Variants in COL16A1 observed in about 807,000 individuals in gnomAD.
The protein encoded by COL16A1 is collagen type XVI alpha 1 chain.
Under a neutral mutation model 266.3 loss-of-function variants are expected in COL16A1, and 189 were observed. The observed-to-expected ratio is 0.71, with a 90% CI of 0.63 to 0.80. The LOEUF is 0.80. Ranked by LOEUF, COL16A1 falls within the 30% of genes least tolerant of loss-of-function variation. COL16A1 has a pLI of 0.00. For missense variants in COL16A1, 1,928 were observed against 2,122.4 expected, an observed-to-expected ratio of 0.91 and a Z score of 1.80; for synonymous variants, 740 against 782.3, an observed-to-expected ratio of 0.95 and a Z score of 0.90.
At chr1:31,661,174 C>T in intron 60 of COL16A1, 55 bp from the exon 61 acceptor site, 2 of 1,541,590 alleles carry the variant, frequency 1.3e-6, no homozygotes, top group East Asian at 4.9e-5. Flanking sequence ...ACATCCCTAC[C>T]CCAAGTCAAC....
rs751584534 is a variant in COL16A1 at position 31,686,298 on chromosome 1, AC to A, written c.1804-20del. On this transcript the variant is annotated intron_variant, in intron 26 of 70. Transcript: ENST00000373672. ...AGTTACCCTGAGAGAAAGCACAGAA[AC>A]CATGATTAAAGAGGGGATGGAGTCT... 2.9e-4 allele frequency: 473 copies of A among 1,614,192 alleles called. No homozygotes were observed. Among genetic ancestry groups the A allele is most frequent in the Non-Finnish European group, 3.7e-4 (431 of 1,180,044 alleles).
intron 20 of COL16A1, 55 bp from the exon 21 acceptor site, chr1:31,690,628 G>A: frequency 1.3e-6 from 2 of 1,596,256 alleles, no homozygotes; most frequent in African/African-American, 2.7e-5. Flanking sequence ...CAATCTCGGT[G>A]CGTTCCCCCT....
At chr1:31,699,984 A>G in intron 3 of COL16A1, 54 bp from the exon 4 acceptor site, 1 of 1,607,590 alleles carries the variant, frequency 6.2e-7, no homozygotes, top group Middle Eastern at 1.7e-4. Flanking sequence ...AGAGGGGTAC[A>G]GATCACTCCC....
chr1:31,700,949 C>T (rs186447775), intron 2 of COL16A1, among the ~76,000 whole-genome samples: 7 of 152,320 alleles, frequency 4.6e-5, no homozygotes, highest in Admixed American at 4.6e-4. Context: ...GGGCCTCCCT[C>T]GCCCTGGGGC....
chr1:31,685,622 C>T lies in COL16A1; in HGVS notation c.2016+17G>A, dbSNP rs892717291. On this transcript the variant is annotated intron_variant, in intron 29 of 70. Coordinates refer to ENST00000373672, the MANE Select transcript of COL16A1 (RefSeq NM_001856.4). This position sits in a 1 kb window ranked among gnomAD's most constrained non-coding sequence, Gnocchi z 4.0. ...TGCATCCCCCGTCCAGAGGCCCCTG[C>T]CTATATCCCACCTCACCTGTTTTCC... 1 of 1,613,080 alleles carries T rather than the reference C, an allele frequency of 6.2e-7. No homozygotes were observed. The highest frequency in any genetic ancestry group is 1.3e-5 in the African/African-American group (1 of 75,010).
intron 11 of COL16A1, 34 bp downstream of exon 11, chr1:31,695,151 GC>G (rs1418388752): frequency 6.2e-7 from 1 of 1,611,738 alleles, no homozygotes; most frequent in Non-Finnish European, 8.5e-7. Flanking sequence ...CCCGGCTCTT[GC>G]CCGCTCCACC....
chr1:31,689,774 G>A lies in COL16A1; in HGVS notation c.1587C>T (p.Pro529=), dbSNP rs760724181. Residue 529 remains proline (P), a synonymous_variant, in exon 23 of 71, where the codon CCC becomes CCT. Transcript: ENST00000373672. ...GTACAGGATCACCAGGCTCCCCTTT[G>A]GGCCCTGGCTTTCCAGGAAGTCCAA... is the stretch of plus-strand genomic sequence containing the variant. The part of the protein sequence containing the change: ...NFVGLPGKPG[P]KGEPGDPVPA... 3.1e-6 allele frequency: 5 copies of A among 1,613,976 alleles called. No homozygotes were observed. Among genetic ancestry groups the A allele is most frequent in the Non-Finnish European group, 4.2e-6 (5 of 1,179,994 alleles).
chr1:31,682,984 CT>C lies in COL16A1; in HGVS notation c.2487del (p.Gly830GlufsTer211). ...EKGAQGSPGV[K>X]GATGPVGPPG... ...GGAGGTCCCACAGGTCCGGTGGCTCCTTTCACCCCTGGAGATCCCTGTGTAA... is the reference window on the plus strand; with the variant it reads ...GGAGGTCCCACAGGTCCGGTGGCTCCTTCACCCCTGGAGATCCCTGTGTAA... On this transcript the variant is annotated frameshift_variant, in exon 37 of 71. Transcript: ENST00000373672. LOFTEE classifies it high-confidence loss of function. The C allele has an allele frequency of 6.2e-7, 1 of 1,614,062 alleles. No individual in the cohort carries two copies. Among genetic ancestry groups the C allele is most frequent in the Non-Finnish European group, 8.5e-7 (1 of 1,180,018 alleles).
rs1447388635 is a variant in COL16A1 at position 31,697,948 on chromosome 1, A to G, written c.615T>C (p.His205=). The G allele has an allele frequency of 6.8e-6, 11 of 1,613,026 alleles. No homozygotes were observed. Among genetic ancestry groups the G allele is most frequent in the Non-Finnish European group, 9.3e-6 (11 of 1,179,968 alleles). Residue 205 remains histidine (H), a synonymous_variant, in exon 6 of 71, where the codon CAT becomes CAC. Transcript: ENST00000373672. The surrounding 1 kb of genome is among the most constrained non-coding windows in gnomAD (Gnocchi z 4.2). ...GCTCAGCATCCAAGCCTAGAAATAC[A>G]TGGCCCACAGGCCTCATGGGTCGTC... ...GPRRPMRPVG[H]VFLGLDAEQG...
intron 47 of COL16A1, 97 bp downstream of exon 47, chr1:31,672,319 G>A: frequency 7.2e-7 from 1 of 1,382,696 alleles, no homozygotes; most frequent in Non-Finnish European, 1.0e-6. Flanking sequence ...AGTGGTAAAG[G>A]GCATCAGTCA....
intron 26 of COL16A1, 182 bp from the exon 27 acceptor site, chr1:31,686,461 G>C: frequency 1.2e-6 from 1 of 821,172 alleles, no homozygotes; most frequent in Non-Finnish European, 2.0e-6. Flanking sequence ...GGGGCTAGAA[G>C]CCCTATTTCT....
chr1:31,701,331 C>G, intron 2 of COL16A1: 1 of 985,398 alleles, frequency 1.0e-6, no homozygotes, highest in Middle Eastern at 5.2e-4. Flanking sequence ...AAAGCTCACG[C>G]ACACACAAGC....
intron 12 of COL16A1, among the ~76,000 whole-genome samples, chr1:31,693,707 G>A (rs1644376510): frequency 6.6e-6 from 1 of 152,188 alleles, no homozygotes; most frequent in Non-Finnish European, 1.5e-5. Flanking sequence ...ACAGGTATAT[G>A]GGTTCAACTC....
At position 31,668,785 on chromosome 1, in the gene COL16A1, T is replaced by G; in HGVS notation, c.3249+17A>C. 6.2e-7 allele frequency: 1 copy of G among 1,613,768 alleles called. No homozygotes were observed. Among genetic ancestry groups the G allele is most frequent in the South Asian group, 1.1e-5 (1 of 91,078 alleles). On this transcript the variant is annotated intron_variant, in intron 50 of 70. Coordinates refer to ENST00000373672, the MANE Select transcript of COL16A1 (RefSeq NM_001856.4). The surrounding 1 kb of genome is among the most constrained non-coding windows in gnomAD (Gnocchi z 5.8). ...TCCCTTTCCAGCCCTTTCCAGCCCC[T>G]GCCAGCTTCTTCTTACCGGCTCCCC...
At chr1:31,659,386 T>G (rs895240599) in intron 62 of COL16A1, among the ~76,000 whole-genome samples, 3 of 151,732 alleles carry the variant, frequency 2.0e-5, no homozygotes, top group African/African-American at 7.3e-5. Flanking sequence ...TAGCAGGGGG[T>G]GAGGGGCAGG....
chr1:31,661,540 A>G, intron 59 of COL16A1, 82 bp from the exon 60 acceptor site: 1 of 1,612,942 alleles, frequency 6.2e-7, no homozygotes, highest in East Asian at 2.2e-5. Flanking sequence ...AGTTCAAACA[A>G]TTCAAACCAA....
At position 31,660,982 on chromosome 1, in the gene COL16A1, T is replaced by C. The variant is rs2148665757; in HGVS notation, c.3825+84A>G. The C allele has an allele frequency of 2.8e-6, 4 of 1,423,946 alleles. No individual in the cohort carries two copies. In the South Asian group the frequency reaches 4.1e-5, roughly 15 times the overall value. 88.2% of individuals were successfully genotyped at this position (1,423,946 alleles called of 1,614,324 possible). A position where few individuals can be genotyped will look rare whatever the true frequency, so the allele number is the denominator to read the frequency against. On this transcript the variant is annotated intron_variant, in intron 61 of 70. Coordinates refer to ENST00000373672, the MANE Select transcript of COL16A1 (RefSeq NM_001856.4). ...GGACAGAAAGCAGCCACTTTGCCAG[T>C]GAGCAGGAAGAAGCGGCTGCATCCC...
intron 38 of COL16A1, 36 bp from the exon 39 acceptor site, chr1:31,680,967 G>A: frequency 4.3e-6 from 7 of 1,614,072 alleles, no homozygotes; most frequent in Non-Finnish European, 5.9e-6. Flanking sequence ...GAGCAGATAG[G>A]GGTGCCGAGG....
chr1:31,683,434 C>G, intron 34 of COL16A1, 65 bp from the exon 35 acceptor site: 1 of 1,611,782 alleles, frequency 6.2e-7, no homozygotes, highest in Non-Finnish European at 8.5e-7. Context: ...CTGGCCCTGC[C>G]GCACCGGCAG....
Sources: gnomAD v4.1 joint callset for allele counts (sites outside exome capture counted in the v4.1 genomes callset) on GRCh38, gnomAD v4.1.1 for gene constraint, Gnocchi (gnomAD v3.1) non-coding constraint, MANE v1.5 for transcripts, NCBI Gene and HGNC (gene_info 2026-07-23, HGNC 2026-07-21) for gene names.